PTPRZ1: variants seen among roughly 807,000 people sequenced by gnomAD.
PTPRZ1 encodes the protein receptor-type tyrosine-protein phosphatase zeta.
Under a neutral mutation model 214.1 loss-of-function variants are expected in PTPRZ1, and 82 were observed. That is an observed-to-expected ratio of 0.38 (90% CI 0.32 to 0.46). The LOEUF (loss-of-function observed/expected upper bound fraction) is 0.46. Ranked by LOEUF, PTPRZ1 falls within the 20% of genes least tolerant of loss-of-function variation. PTPRZ1 has a pLI of 1.00. For missense variants in PTPRZ1, 2,603 were observed against 2,748.7 expected (o/e 0.95, Z 1.19); for synonymous variants, 945 against 987.9 (o/e 0.96, Z 0.81).
intron 27 of PTPRZ1, 111 bp from the exon 28 acceptor site, chr7:122,058,689 C>A: frequency 1.2e-6 from 1 of 839,288 alleles, no homozygotes; most frequent in Non-Finnish European, 1.8e-6. Context: ...GCTGCTCACT[C>A]ATGCCTGCCA....
At chr7:121,939,430 T>C (rs142972234) in intron 2 of PTPRZ1, among the ~76,000 whole-genome samples, 1 of 152,320 alleles carries the variant, frequency 6.6e-6, no homozygotes, top group African/African-American at 2.4e-5. Context: ...TTAGCATATC[T>C]AGGAAGTAAG....
rs1415912592 is a variant in PTPRZ1 at position 121,874,061 on chromosome 7, C to CACACACACACACACACACACACCT, written c.58+508_58+509insACACACACACACACACACCTACAC. 8.8e-4 allele frequency among the ~76,000 whole-genome samples: 134 copies of CACACACACACACACACACACACCT among 151,878 alleles called. 1 individual carries two copies. The highest frequency in any genetic ancestry group is 3.0e-3 in the African/African-American group (126 of 41,328). ...GCAGACACACACACACACACACACA[C>CACACACACACACACACACACACCT]ACACCTGAAAGGTAGTAACAGGCAC... On this transcript the variant is annotated intron_variant, in intron 1 of 29. Coordinates refer to ENST00000393386, the MANE Select transcript of PTPRZ1 (RefSeq NM_002851.3).
rs1798545691 is a variant in PTPRZ1 at position 122,008,053 on chromosome 7, A to G, written c.1288-2281A>G. Among the ~76,000 whole-genome samples, 5 of 152,136 alleles carry G rather than the reference A, an allele frequency of 3.3e-5. No individual in the cohort carries two copies. The South Asian group carries it at 1.0e-3, about 31-fold the overall frequency. Reference sequence around the variant, plus strand: ...GAACGCATATGTATCTGATGTGTGCATAGTTTTTTCCCAACTATGTAATAA... The same window carrying G: ...GAACGCATATGTATCTGATGTGTGCGTAGTTTTTTCCCAACTATGTAATAA... On this transcript the variant is annotated intron_variant, in intron 11 of 29. Transcript: ENST00000393386.
chr7:122,046,018 C>T (rs1021329537), intron 23 of PTPRZ1, among the ~76,000 whole-genome samples: 1 of 152,124 alleles, frequency 6.6e-6, no homozygotes, highest in Admixed American at 6.5e-5. Flanking sequence ...TTATCAGACA[C>T]CTGCCAGATG....
intron 18 of PTPRZ1, among the ~76,000 whole-genome samples, chr7:122,037,699 A>C (rs969367810): frequency 6.6e-5 from 10 of 152,198 alleles, no homozygotes; most frequent in Admixed American, 2.6e-4. Flanking sequence ...GGAAATATGC[A>C]TGTCAGAATG....
chr7:121,895,434 T>A (rs967111028), intron 1 of PTPRZ1, among the ~76,000 whole-genome samples: 3 of 152,236 alleles, frequency 2.0e-5, no homozygotes, highest in African/African-American at 7.2e-5. Context: ...TTAGAATTTT[T>A]GCAGCCCATT....
chr7:122,032,238 T>C (rs1255062195), intron 15 of PTPRZ1, among the ~76,000 whole-genome samples: 1 of 152,166 alleles, frequency 6.6e-6, no homozygotes, highest in African/African-American at 2.4e-5. Flanking sequence ...AAAGCTACCC[T>C]TTGTGAACAC....
chr7:121,945,343 CTAT>C (rs1352696254), intron 2 of PTPRZ1, among the ~76,000 whole-genome samples: 2 of 152,096 alleles, frequency 1.3e-5, no homozygotes, highest in Admixed American at 6.5e-5. Context: ...TCATTTTAGA[CTAT>C]TATTCTCTGG....
At chr7:122,021,692 A>G (rs1365706252) in intron 13 of PTPRZ1, among the ~76,000 whole-genome samples, 1 of 152,108 alleles carries the variant, frequency 6.6e-6, no homozygotes, top group Non-Finnish European at 1.5e-5. Context: ...GTGAGCTGTG[A>G]TTATGCCACT....
At chr7:122,035,903 T>C (rs2150473909) in intron 17 of PTPRZ1, among the ~76,000 whole-genome samples, 1 of 152,350 alleles carries the variant, frequency 6.6e-6, no homozygotes, top group Middle Eastern at 3.4e-3. Flanking sequence ...AATCTCAAAC[T>C]CCTGTAATCA....
At chr7:122,060,828 G>T (rs1471902962) in intron 29 of PTPRZ1, among the ~76,000 whole-genome samples, 1 of 152,156 alleles carries the variant, frequency 6.6e-6, no homozygotes, top group East Asian at 1.9e-4. Context: ...TCATGAATAA[G>T]AATTAAGTAC....
intron 12 of PTPRZ1, among the ~76,000 whole-genome samples, 175 bp downstream of exon 12, chr7:122,014,064 A>T (rs1798773548): frequency 6.6e-6 from 1 of 152,232 alleles, no homozygotes; most frequent in South Asian, 2.1e-4. Flanking sequence ...TTATTATTTC[A>T]AACAATTATT....
At position 122,031,071 on chromosome 7, in the gene PTPRZ1, G is replaced by A. The variant is rs980648900; in HGVS notation, c.5081-403G>A. Among the ~76,000 whole-genome samples the A allele has an allele frequency of 2.6e-5, 4 of 152,022 alleles. No homozygotes were observed. In the South Asian group the frequency reaches 8.3e-4, roughly 32 times the overall value. On this transcript the variant is annotated intron_variant, in intron 14 of 29. Transcript: ENST00000393386. ...AAACCGAAATTACACTATTTATTAT[G>A]CTTGGTCCACACTAAAATTGAAACT... is the stretch of plus-strand genomic sequence containing the variant.
At chr7:122,017,863 C>T (rs182333050) in intron 12 of PTPRZ1, among the ~76,000 whole-genome samples, 5 of 152,174 alleles carry the variant, frequency 3.3e-5, no homozygotes, top group African/African-American at 9.6e-5. Context: ...TGAGCCACCA[C>T]GCCCAGCCTG....
chr7:121,923,597 G>T (rs1795664995), intron 1 of PTPRZ1, among the ~76,000 whole-genome samples: 1 of 152,032 alleles, frequency 6.6e-6, no homozygotes, highest in Non-Finnish European at 1.5e-5. Flanking sequence ...ATGAAACAGA[G>T]ACTTTCTTTA....
chr7:122,007,860 C>G (rs1232717478), intron 11 of PTPRZ1, among the ~76,000 whole-genome samples: 1 of 152,000 alleles, frequency 6.6e-6, no homozygotes, highest in Non-Finnish European at 1.5e-5. Context: ...TATTTGTAGT[C>G]AGATATGAAT....
Position 121,964,325 on chromosome 7 carries a change from A to G in PTPRZ1, c.125-3626A>G, listed in dbSNP as rs182988455. On this transcript the variant is annotated intron_variant, in intron 2 of 29. Coordinates refer to ENST00000393386, the MANE Select transcript of PTPRZ1 (RefSeq NM_002851.3). ...CTGGGGAGGCCTCGGGAAACTTACA[A>G]TCATGGTATAAAGGGAAGCAAATAT... 2.0e-4 allele frequency among the ~76,000 whole-genome samples: 30 copies of G among 152,322 alleles called. 1 individual carries two copies. The East Asian group carries it at 3.1e-3, about 16-fold the overall frequency.
intron 8 of PTPRZ1, among the ~76,000 whole-genome samples, chr7:121,993,592 AAACACAAAACAAAAAAC>A (rs1212405143): frequency 1.3e-5 from 2 of 151,212 alleles, no homozygotes; most frequent in Non-Finnish European, 3.0e-5. Context: ...AAAAAAAAAA[AAACACAAAACAAAAAAC>A]AAAGATAATT....
intron 2 of PTPRZ1, among the ~76,000 whole-genome samples, chr7:121,941,739 AG>A: frequency 6.6e-6 from 1 of 152,212 alleles, no homozygotes; most frequent in East Asian, 1.9e-4. Flanking sequence ...TATGTATCTG[AG>A]GGGCCTGTGT....
Sources: gnomAD v4.1 joint callset for allele counts (sites outside exome capture counted in the v4.1 genomes callset) on GRCh38, gnomAD v4.1.1 for gene constraint, MANE v1.5 for transcripts, NCBI Gene and HGNC (gene_info 2026-07-23, HGNC 2026-07-21) for gene names.